Variants in NALCN observed in about 807,000 individuals in gnomAD.
The protein encoded by NALCN is sodium leak channel, non-selective.
A neutral mutation model predicts 225.3 loss-of-function variants in NALCN; 111 were observed. The observed-to-expected ratio is 0.49, with a 90% CI of 0.42 to 0.58. The LOEUF is 0.58. Ranked by LOEUF, NALCN falls within the 20% of genes least tolerant of loss-of-function variation. The pLI, the probability that NALCN is intolerant of heterozygous loss-of-function variation, is 0.00. For synonymous variants in NALCN, 764 were observed against 769.0 expected (o/e 0.99, Z 0.11); for missense variants, 1,378 against 2,202.4 (o/e 0.63, Z 7.49).
chr13:101,397,069 TA>T (rs1566650636), intron 2 of NALCN, among the ~76,000 whole-genome samples: 1,616 of 61,716 alleles, frequency 0.026, 53 homozygotes, highest in African/African-American at 0.073. Flanking sequence ...GAATGTATTA[TA>T]TATATATATA....
At chr13:101,336,658 T>A (rs1379271396) in intron 7 of NALCN, among the ~76,000 whole-genome samples, 1 of 152,180 alleles carries the variant, frequency 6.6e-6, no homozygotes, top group African/African-American at 2.4e-5. Context: ...GCTTTATAAT[T>A]TTTTCGTAAA....
chr13:101,205,486 A>C lies in NALCN; in HGVS notation c.1627-13432T>G, dbSNP rs148921172. Reference sequence around the variant, plus strand: ...TGAATGAACTTATATTTTACCCCTGACAATCTTTCTTGCAGAGCATGGTAT... The same window carrying C: ...TGAATGAACTTATATTTTACCCCTGCCAATCTTTCTTGCAGAGCATGGTAT... On this transcript the variant is annotated intron_variant, in intron 13 of 43. Transcript: ENST00000251127. Among the ~76,000 whole-genome samples the C allele has an allele frequency of 4.5e-3, 682 of 152,240 alleles. 6 individuals are homozygous for C. Among genetic ancestry groups the C allele is most frequent in the African/African-American group, 0.016 (663 of 41,552 alleles).
chr13:101,332,839 G>A (rs2045234732), intron 7 of NALCN, among the ~76,000 whole-genome samples: 1 of 148,208 alleles, frequency 6.7e-6, no homozygotes, highest in African/African-American at 2.6e-5. Flanking sequence ...CTTTAACAAA[G>A]TTATAGTAAA....
intron 32 of NALCN, 41 bp from the exon 33 acceptor site, chr13:101,082,924 C>T (rs369988255): frequency 2.5e-6 from 4 of 1,608,894 alleles, no homozygotes; most frequent in Admixed American, 1.7e-5. Context: ...CCACGTCCAT[C>T]GGACACATAC....
chr13:101,138,061 C>A (rs2036889980), intron 17 of NALCN, among the ~76,000 whole-genome samples: 1 of 152,138 alleles, frequency 6.6e-6, no homozygotes, highest in Non-Finnish European at 1.5e-5. Flanking sequence ...GTGCTTTCTT[C>A]CTTTATCAAT....
Position 101,100,830 on chromosome 13 carries a change from A to G in NALCN, c.3116T>C (p.Phe1039Ser). ...LVFASFGVQL[F>S]AGKLAKCNDP... ...ATTGCACTTGGCCAGTTTTCCAGCA[A>G]AAAGCTGAACTCCAAAGCTTGCAAA... The change falls in exon 27 of 44, where the codon TTT (phenylalanine) becomes TCT (serine). Residue 1039 changes from phenylalanine (F) to serine (S), a missense_variant. This residue lies in a region of NALCN where 292 missense variants were observed against 409.5 expected (regional missense o/e 0.71). Transcript: ENST00000251127. The G allele has an allele frequency of 6.2e-7, 1 of 1,612,350 alleles. No individual in the cohort carries two copies. Among genetic ancestry groups the G allele is most frequent in the African/African-American group, 1.3e-5 (1 of 75,020 alleles).
At chr13:101,247,236 C>T (rs1594520249) in intron 11 of NALCN, among the ~76,000 whole-genome samples, 1 of 152,178 alleles carries the variant, frequency 6.6e-6, no homozygotes, top group African/African-American at 2.4e-5. Context: ...TTATAGGCAG[C>T]TGCAGGCCTC....
In NALCN at chr13:101,110,664, G is replaced by A. The variant is rs1396210134; in HGVS notation, c.2319C>T (p.Ser773=). The part of the protein sequence containing the change: ...ERRSLRHGSN[S]QRISRGKSLE... ...GAGATTTTCCCCTGCTGATCCTCTG[G>A]CTGTTTGATCCATGTCTTAGTGACC... Residue 773 remains serine (S), a synonymous_variant, in exon 20 of 44, where the codon AGC becomes AGT. Transcript: ENST00000251127. 2 of 1,613,996 alleles carry A rather than the reference G, an allele frequency of 1.2e-6. No homozygotes were observed. Among genetic ancestry groups the A allele is most frequent in the Non-Finnish European group, 1.7e-6 (2 of 1,179,952 alleles).
intron 15 of NALCN, among the ~76,000 whole-genome samples, chr13:101,167,469 T>C (rs2038493607): frequency 6.6e-6 from 1 of 152,208 alleles, no homozygotes; most frequent in African/African-American, 2.4e-5. Flanking sequence ...ACTATGAGTG[T>C]TTCTGGATAT....
chr13:101,144,220 A>G (rs2037229980), intron 16 of NALCN, among the ~76,000 whole-genome samples: 1 of 152,188 alleles, frequency 6.6e-6, no homozygotes, highest in South Asian at 2.1e-4. Context: ...CGTGGTAGAA[A>G]ATCAAATCAG....
intron 11 of NALCN, among the ~76,000 whole-genome samples, chr13:101,247,462 G>A (rs896908457): frequency 1.3e-5 from 2 of 152,086 alleles, no homozygotes; most frequent in African/African-American, 2.4e-5. Flanking sequence ...CATAGAGGGA[G>A]GGAGAGAGAA....
chr13:101,098,290 T>C (rs1409774513), intron 27 of NALCN, among the ~76,000 whole-genome samples: 4 of 152,164 alleles, frequency 2.6e-5, no homozygotes, highest in Non-Finnish European at 5.9e-5. Context: ...GACTTTATAT[T>C]ACTGTTGCTT....
chr13:101,295,566 A>G (rs1018331197), intron 7 of NALCN, among the ~76,000 whole-genome samples: 1 of 152,186 alleles, frequency 6.6e-6, no homozygotes, highest in African/African-American at 2.4e-5. Context: ...GTAGCCTTGA[A>G]ACTTCTACTC....
rs1270231284 is a variant in NALCN at position 101,143,192 on chromosome 13, C to T, written c.2006G>A (p.Arg669His). ...GAGGCAACATGTGTCCTGTTGCTGG[C>T]GGTCAATAAACTGCTTCATAAAACT... ...RESFMKQFIDRQQQDTCCLLR... is the reference protein window; with the variant it reads ...RESFMKQFIDHQQQDTCCLLR... Residue 669 changes from arginine to histidine, a missense_variant, in exon 17 of 44, where the codon CGC becomes CAC. Arg to His is a conservative substitution (Grantham distance 29). Transcript: ENST00000251127. 6 of 1,612,112 alleles carry T rather than the reference C, an allele frequency of 3.7e-6. No individual in the cohort carries two copies. The highest frequency in any genetic ancestry group is 1.7e-5 in the Admixed American group (1 of 59,646).
chr13:101,191,118 T>C (rs1335728691), intron 14 of NALCN, among the ~76,000 whole-genome samples: 1 of 152,184 alleles, frequency 6.6e-6, no homozygotes, highest in Non-Finnish European at 1.5e-5. Context: ...GTAGCAGTTG[T>C]ATTTATTTCT....
At chr13:101,186,560 CTT>C (rs1038169255) in intron 14 of NALCN, among the ~76,000 whole-genome samples, 1 of 151,918 alleles carries the variant, frequency 6.6e-6, no homozygotes, top group African/African-American at 2.4e-5. Context: ...CAGTATTAGA[CTT>C]TTTTTGGGTA....
chr13:101,314,887 A>C (rs368689547), intron 7 of NALCN, among the ~76,000 whole-genome samples: 1 of 152,168 alleles, frequency 6.6e-6, no homozygotes, highest in Non-Finnish European at 1.5e-5. Flanking sequence ...ACTTAAGTTC[A>C]TACCTGAGAG....
intron 20 of NALCN, among the ~76,000 whole-genome samples, chr13:101,108,262 T>G (rs1179679175): frequency 2.6e-5 from 4 of 152,074 alleles, no homozygotes; most frequent in South Asian, 4.1e-4. Context: ...AGCAAGAGTA[T>G]TTGTTCCTCT....
intron 30 of NALCN, among the ~76,000 whole-genome samples, chr13:101,085,657 G>GT (rs2033893233): frequency 6.6e-6 from 1 of 152,042 alleles, no homozygotes; most frequent in African/African-American, 2.4e-5. Context: ...ATATCACACT[G>GT]TACCCGATAA....
Sources: gnomAD v4.1 joint callset for allele counts (sites outside exome capture counted in the v4.1 genomes callset) on GRCh38, gnomAD v4.1.1 for gene constraint, gnomAD v4.1.1 regional missense constraint, MANE v1.5 for transcripts, NCBI Gene and HGNC (gene_info 2026-07-23, HGNC 2026-07-21) for gene names.